Variants in ITFG1 observed in about 807,000 individuals in gnomAD.
The protein encoded by ITFG1 is T-cell immunomodulatory protein.
In ITFG1, 34 loss-of-function variants were observed where a neutral mutation model predicts 81.8. The observed-to-expected ratio is 0.42, with a 90% CI of 0.32 to 0.55. The LOEUF is 0.55. Ranked by LOEUF, ITFG1 falls within the 20% of genes least tolerant of loss-of-function variation. The probability of loss-of-function intolerance (pLI) is 0.17; values close to 1 mark genes in which losing one functional copy is unlikely to be tolerated. For synonymous variants in ITFG1, 285 were observed against 270.6 expected (o/e 1.05, Z -0.52); for missense variants, 672 against 755.4 (o/e 0.89, Z 1.29).
At chr16:47,292,042 T>A (rs1259304834) in intron 10 of ITFG1, among the ~76,000 whole-genome samples, 1 of 151,888 alleles carries the variant, frequency 6.6e-6, no homozygotes, top group African/African-American at 2.4e-5. Context: ...GAGATGGAGT[T>A]TCGCTCTTTC....
chr16:47,358,845 G>A (rs1270156334), intron 8 of ITFG1, among the ~76,000 whole-genome samples: 1 of 152,048 alleles, frequency 6.6e-6, no homozygotes, highest in African/African-American at 2.4e-5. Context: ...TATAATGGTG[G>A]ACAAAATACA....
chr16:47,214,752 T>C (rs1965604772), intron 14 of ITFG1, among the ~76,000 whole-genome samples: 1 of 152,162 alleles, frequency 6.6e-6, no homozygotes, highest in Admixed American at 6.5e-5. Context: ...TGCAGAGTAA[T>C]GGGTAAGAAT....
chr16:47,345,529 C>T (rs1004132589), intron 8 of ITFG1, among the ~76,000 whole-genome samples: 3 of 152,090 alleles, frequency 2.0e-5, no homozygotes, highest in Admixed American at 1.3e-4. Flanking sequence ...GAACTCCTGA[C>T]CTCAAGAGAT....
intron 10 of ITFG1, among the ~76,000 whole-genome samples, chr16:47,283,046 T>A (rs1966467028): frequency 6.6e-6 from 1 of 152,162 alleles, no homozygotes; most frequent in African/African-American, 2.4e-5. Flanking sequence ...GCTTACTCTG[T>A]TCATTATTTA....
chr16:47,427,979 C>T (rs1009888537), intron 6 of ITFG1, among the ~76,000 whole-genome samples: 1 of 152,056 alleles, frequency 6.6e-6, no homozygotes, highest in African/African-American at 2.4e-5. Flanking sequence ...ACAAAAAATA[C>T]AAGAATTAGC....
intron 6 of ITFG1, among the ~76,000 whole-genome samples, chr16:47,409,985 A>T (rs1312001764): frequency 6.6e-6 from 1 of 152,142 alleles, no homozygotes; most frequent in Non-Finnish European, 1.5e-5. Flanking sequence ...GACAAGAAAA[A>T]AACTCAGGTT....
chr16:47,417,840 G>A (rs1968893073), intron 6 of ITFG1, among the ~76,000 whole-genome samples: 1 of 152,044 alleles, frequency 6.6e-6, no homozygotes, highest in African/African-American at 2.4e-5. Flanking sequence ...AATAATCATG[G>A]GGGTACAGAT....
At position 47,371,432 on chromosome 16, in the gene ITFG1, A is replaced by G. The variant is rs151332647; in HGVS notation, c.720+4444T>C. Among the ~76,000 whole-genome samples, 38 of 152,266 alleles carry G rather than the reference A, an allele frequency of 2.5e-4. No individual in the cohort carries two copies. The East Asian group carries it at 6.8e-3, about 27-fold the overall frequency. ...TACTGCTACCACAACTACCAAAACC[A>G]CTGAAGCAGTTAACCCACACCTGTT... On this transcript the variant is annotated intron_variant, in intron 7 of 17. Transcript: ENST00000320640.
rs548693308 is a variant in ITFG1, at chr16:47,166,099, C to A, written c.1454-3435G>T. On this transcript the variant is annotated intron_variant, in intron 14 of 17. Transcript: ENST00000320640. ...CCAGCATTAACATCAATACAAAGCC[C>A]TTAAGACTGATAGAACAGACTCTTT... Among the ~76,000 whole-genome samples the A allele has an allele frequency of 2.0e-5, 3 of 152,298 alleles. No homozygotes were observed. In the South Asian group the frequency reaches 6.2e-4, roughly 32 times the overall value.
chr16:47,210,341 T>G (rs951556018), intron 14 of ITFG1, among the ~76,000 whole-genome samples: 4 of 152,188 alleles, frequency 2.6e-5, no homozygotes, highest in Non-Finnish European at 5.9e-5. Context: ...TGTATCTTCT[T>G]CAGTGAAATG....
intron 8 of ITFG1, among the ~76,000 whole-genome samples, chr16:47,335,466 TTGCAAA>T (rs368916729): frequency 6.6e-6 from 1 of 152,080 alleles, no homozygotes; most frequent in African/African-American, 2.4e-5. Context: ...AATAAAAGAA[TTGCAAA>T]TCATGTATCT....
chr16:47,213,381 G>C (rs1965588007), intron 14 of ITFG1, among the ~76,000 whole-genome samples: 1 of 152,004 alleles, frequency 6.6e-6, no homozygotes, highest in Non-Finnish European at 1.5e-5. Context: ...AGAATGTATT[G>C]CTGTTGTTGG....
intron 6 of ITFG1, among the ~76,000 whole-genome samples, chr16:47,396,440 G>A (rs560256874): frequency 6.6e-6 from 1 of 151,954 alleles, no homozygotes; most frequent in African/African-American, 2.4e-5. Context: ...AAAAGTTCAG[G>A]AACTATGAGA....
intron 10 of ITFG1, among the ~76,000 whole-genome samples, chr16:47,296,601 A>G (rs942322643): frequency 1.3e-5 from 2 of 151,934 alleles, no homozygotes; most frequent in African/African-American, 2.4e-5. Flanking sequence ...ACGTCCAGTT[A>G]ATTTTTGTAT....
intron 10 of ITFG1, among the ~76,000 whole-genome samples, chr16:47,267,469 G>A (rs190748313): frequency 3.9e-5 from 6 of 152,160 alleles, no homozygotes; most frequent in South Asian, 2.1e-4. Context: ...CTATAGTCAC[G>A]GATTCCAATA....
intron 14 of ITFG1, among the ~76,000 whole-genome samples, chr16:47,215,484 A>G (rs1318880285): frequency 6.6e-6 from 1 of 152,246 alleles, no homozygotes; most frequent in Non-Finnish European, 1.5e-5. Flanking sequence ...AAAGAAATAT[A>G]TAAAATCCAA....
Position 47,258,705 on chromosome 16 carries a change from A to G in ITFG1, c.1257T>C (p.Tyr419=). 2 of 1,558,292 alleles carry G rather than the reference A, an allele frequency of 1.3e-6. No homozygotes were observed. Among genetic ancestry groups the G allele is most frequent in the South Asian group, 2.3e-5 (2 of 85,852 alleles). ...TATGAATGGCAAAATCATTCTTTGT[A>G]TATCCTTTACTTAGCACTACAATGT... ...ILDIVVLSKG[Y]TKNDFAIHTL... The change falls in exon 12 of 18, where the codon TAT becomes TAC. Residue 419 remains tyrosine, a synonymous_variant. Transcript: ENST00000320640.
At chr16:47,251,710 C>T (rs1366229730) in intron 12 of ITFG1, among the ~76,000 whole-genome samples, 1 of 152,132 alleles carries the variant, frequency 6.6e-6, no homozygotes, top group Non-Finnish European at 1.5e-5. Context: ...CCTAAATATG[C>T]TGTTTTTTCC....
intron 12 of ITFG1, among the ~76,000 whole-genome samples, chr16:47,242,456 T>C (rs771689266): frequency 2.6e-4 from 40 of 151,982 alleles, no homozygotes; most frequent in Non-Finnish European, 4.3e-4. Context: ...ATAATAAATA[T>C]ATTATCACAA....
Sources: gnomAD v4.1 joint callset for allele counts (sites outside exome capture counted in the v4.1 genomes callset) on GRCh38, gnomAD v4.1.1 for gene constraint, MANE v1.5 for transcripts, NCBI Gene and HGNC (gene_info 2026-07-23, HGNC 2026-07-21) for gene names.